The following GLRB variants were observed in gnomAD, a reference collection of about 807,000 sequenced individuals.
GLRB encodes glycine receptor subunit beta.
Under a neutral mutation model 54.2 loss-of-function variants are expected in GLRB, and 33 were observed. The ratio of observed to expected loss-of-function variants is 0.61; its 90% confidence interval spans 0.46 to 0.81. GLRB has a LOEUF of 0.81. Ranked by LOEUF, GLRB falls within the 40% of genes least tolerant of loss-of-function variation. The probability of loss-of-function intolerance (pLI) is 0.00; values close to 1 mark genes in which losing one functional copy is unlikely to be tolerated. For missense variants in GLRB, 572 were observed against 584.6 expected (o/e 0.98, Z 0.22); for synonymous variants, 209 against 208.2 (o/e 1.00, Z -0.03).
intron 9 of GLRB, 67 bp downstream of exon 9, chr4:157,153,077 C>T: frequency 7.6e-7 from 1 of 1,319,556 alleles, no homozygotes; most frequent in Admixed American, 1.7e-5. Flanking sequence ...AGAGAGACAC[C>T]TTTGTGTATG....
chr4:157,139,566 T>G (rs1298596545), intron 7 of GLRB, among the ~76,000 whole-genome samples: 1 of 152,056 alleles, frequency 6.6e-6, no homozygotes, highest in Non-Finnish European at 1.5e-5. Flanking sequence ...CACTACTCAA[T>G]ACTGTCATAA....
intron 8 of GLRB, among the ~76,000 whole-genome samples, chr4:157,146,240 C>T (rs1359498095): frequency 6.6e-6 from 1 of 152,064 alleles, no homozygotes; most frequent in Non-Finnish European, 1.5e-5. Flanking sequence ...TGATATCGAA[C>T]TGCTGACCCC....
intron 2 of GLRB, among the ~76,000 whole-genome samples, chr4:157,087,209 A>T (rs1036717435): frequency 6.6e-6 from 1 of 152,168 alleles, no homozygotes; most frequent in Non-Finnish European, 1.5e-5. Context: ...GACTGTATTT[A>T]GATGTTTAGA....
intron 2 of GLRB, among the ~76,000 whole-genome samples, chr4:157,094,067 G>T (rs1169932870): frequency 1.3e-5 from 2 of 151,918 alleles, no homozygotes; most frequent in East Asian, 1.9e-4. Context: ...AAGTTTTTTT[G>T]GGCATTTATT....
intron 4 of GLRB, among the ~76,000 whole-genome samples, chr4:157,135,485 G>A (rs1165289528): frequency 6.6e-6 from 1 of 152,024 alleles, no homozygotes; most frequent in Non-Finnish European, 1.5e-5. Context: ...TCTTATGACA[G>A]TGAATAAGCC....
chr4:157,103,132 A>G (rs1227769562), intron 2 of GLRB, among the ~76,000 whole-genome samples: 1 of 151,226 alleles, frequency 6.6e-6, no homozygotes, highest in East Asian at 1.9e-4. Context: ...TCTGGGCAAA[A>G]GAGAGAGACT....
intron 9 of GLRB, among the ~76,000 whole-genome samples, chr4:157,160,094 C>A (rs1737414514): frequency 6.6e-6 from 1 of 152,144 alleles, no homozygotes; most frequent in Non-Finnish European, 1.5e-5. Flanking sequence ...TTATCCATTT[C>A]TTCTAGATTT....
chr4:157,156,774 AG>A (rs1737243130), intron 9 of GLRB, among the ~76,000 whole-genome samples: 1 of 152,166 alleles, frequency 6.6e-6, no homozygotes, highest in African/African-American at 2.4e-5. Flanking sequence ...CAGAATTCTC[AG>A]ATTGTTGTTG....
At chr4:157,163,062 C>T (rs1243201487) in intron 9 of GLRB, among the ~76,000 whole-genome samples, 1 of 152,190 alleles carries the variant, frequency 6.6e-6, no homozygotes, top group Non-Finnish European at 1.5e-5. Flanking sequence ...AGCCTCGCTT[C>T]CACCTCGCAG....
At chr4:157,121,921 A>C (rs2126533691) in intron 3 of GLRB, among the ~76,000 whole-genome samples, 1 of 151,756 alleles carries the variant, frequency 6.6e-6, no homozygotes, top group Non-Finnish European at 1.5e-5. Flanking sequence ...CTATTAAAGT[A>C]AGAATTTGAA....
intron 7 of GLRB, among the ~76,000 whole-genome samples, chr4:157,142,857 C>G (rs1351709911): frequency 6.6e-6 from 1 of 152,104 alleles, no homozygotes; most frequent in East Asian, 1.9e-4. Flanking sequence ...ACATTCTTCT[C>G]TAAATTAAGC....
intron 4 of GLRB, among the ~76,000 whole-genome samples, chr4:157,130,162 G>A (rs1193608391): frequency 6.6e-6 from 1 of 151,564 alleles, no homozygotes; most frequent in Non-Finnish European, 1.5e-5. Flanking sequence ...AGGGAACTTT[G>A]TCTTCCATTC....
intron 9 of GLRB, among the ~76,000 whole-genome samples, chr4:157,159,122 GCT>G (rs1484336686): frequency 1.3e-5 from 2 of 152,012 alleles, no homozygotes; most frequent in African/African-American, 4.8e-5. Context: ...TCATGATTTG[GCT>G]CTCTGTTTTT....
At chr4:157,124,530 AT>A (rs1304173489) in intron 4 of GLRB, among the ~76,000 whole-genome samples, 1 of 151,838 alleles carries the variant, frequency 6.6e-6, no homozygotes, top group African/African-American at 2.4e-5. Context: ...ATAAATAAAT[AT>A]TTTTATATTA....
intron 2 of GLRB, among the ~76,000 whole-genome samples, chr4:157,112,912 G>A (rs1239744141): frequency 6.6e-6 from 1 of 151,872 alleles, no homozygotes; most frequent in Non-Finnish European, 1.5e-5. Flanking sequence ...TCCACCATAG[G>A]TAGAATCAGA....
intron 8 of GLRB, among the ~76,000 whole-genome samples, chr4:157,150,365 T>A (rs577053010): frequency 6.6e-6 from 1 of 152,186 alleles, no homozygotes; most frequent in South Asian, 2.1e-4. Flanking sequence ...TCTGATATGA[T>A]AAAAGTCTTG....
intron 4 of GLRB, among the ~76,000 whole-genome samples, chr4:157,125,560 A>G (rs1235747834): frequency 6.6e-6 from 1 of 151,856 alleles, no homozygotes. Flanking sequence ...TTCTAATTGT[A>G]TTAGCAGTCC....
At chr4:157,121,092 T>G (rs1579215476) in intron 3 of GLRB, among the ~76,000 whole-genome samples, 1 of 151,746 alleles carries the variant, frequency 6.6e-6, no homozygotes, top group Non-Finnish European at 1.5e-5. Context: ...TTTAGAGTCT[T>G]TCTTACTTTT....
rs558825958 is a variant in GLRB, at chr4:157,086,694, T to C, written c.122+8548T>C. Among the ~76,000 whole-genome samples the C allele has an allele frequency of 2.0e-5, 3 of 152,318 alleles. No homozygotes were observed. In the South Asian group the frequency reaches 6.2e-4, roughly 32 times the overall value. On this transcript the variant is annotated intron_variant, in intron 2 of 9. Coordinates refer to ENST00000264428, the MANE Select transcript of GLRB (RefSeq NM_000824.5). ...GACCAAAGAGAGAAACAGAGGAAGATAAGTTCAATTAAAGGAAAATATAGA... is the reference window on the plus strand; with the variant it reads ...GACCAAAGAGAGAAACAGAGGAAGACAAGTTCAATTAAAGGAAAATATAGA...
Sources: allele counts gnomAD v4.1 joint callset (sites outside exome capture counted in the v4.1 genomes callset), GRCh38; gene constraint gnomAD v4.1.1; transcripts MANE v1.5; gene names NCBI Gene and HGNC (gene_info 2026-07-23, HGNC 2026-07-21).